Variants in CDH13 observed in about 807,000 individuals in gnomAD.
CDH13 encodes cadherin 13.
CDH13 carries 24 observed loss-of-function variants against 63.8 expected under a neutral mutation model. The ratio of observed to expected loss-of-function variants is 0.38; its 90% CI spans 0.27 to 0.53. CDH13 has a LOEUF of 0.53. Ranked by LOEUF, CDH13 falls within the 20% of genes least tolerant of loss-of-function variation. CDH13 has a pLI of 0.85. For synonymous variants in CDH13, 503 were observed against 355.3 expected, an observed-to-expected ratio of 1.42 and a Z score of -4.67; for missense variants, 1,049 against 903.1, an observed-to-expected ratio of 1.16 and a Z score of -2.07.
At chr16:82,922,878 T>C (rs2042198729) in intron 2 of CDH13, among the ~76,000 whole-genome samples, 1 of 152,140 alleles carries the variant, frequency 6.6e-6, no homozygotes, top group Admixed American at 6.6e-5. Context: ...CAGGCCTACC[T>C]TGTTGATATT....
chr16:83,072,044 T>G (rs1480033558), intron 3 of CDH13, among the ~76,000 whole-genome samples: 1 of 152,086 alleles, frequency 6.6e-6, no homozygotes, highest in Non-Finnish European at 1.5e-5. Flanking sequence ...TAAAATTAAT[T>G]TAATAGTATA....
At chr16:82,972,454 C>T (rs111846136) in intron 2 of CDH13, among the ~76,000 whole-genome samples, 1 of 152,090 alleles carries the variant, frequency 6.6e-6, no homozygotes, top group Admixed American at 6.5e-5. Flanking sequence ...CTTCTTTAGC[C>T]GAAAAACATA....
chr16:83,041,966 C>T (rs1199734560), intron 3 of CDH13, among the ~76,000 whole-genome samples: 1 of 152,088 alleles, frequency 6.6e-6, no homozygotes, highest in Non-Finnish European at 1.5e-5. Context: ...ATACATTTTT[C>T]CCCTCTTTCC....
At chr16:83,424,009 A>G (rs2071803847) in intron 6 of CDH13, among the ~76,000 whole-genome samples, 1 of 152,184 alleles carries the variant, frequency 6.6e-6, no homozygotes, top group Non-Finnish European at 1.5e-5. Context: ...GGGAAATCCA[A>G]CATGGACTGA....
At position 82,644,842 on chromosome 16, in the gene CDH13, G is replaced by A. The variant is rs149574708; in HGVS notation, c.45+17705G>A. On this transcript the variant is annotated intron_variant, in intron 1 of 13. Coordinates refer to ENST00000567109, the MANE Select transcript of CDH13 (RefSeq NM_001257.5). The surrounding 1 kb of genome is among the most constrained non-coding windows in gnomAD (Gnocchi z 5.7). ...TCCCTGGTCAGTTTTCCAGCATAGCGTTTTGCAAAATGTGTTCTGAAGAGA... is the reference window on the plus strand; with the variant it reads ...TCCCTGGTCAGTTTTCCAGCATAGCATTTTGCAAAATGTGTTCTGAAGAGA... Among the ~76,000 whole-genome samples the A allele has an allele frequency of 1.4e-4, 21 of 152,276 alleles. No homozygotes were observed. The East Asian group carries it at 1.9e-3, about 14-fold the overall frequency.
chr16:82,760,735 G>A (rs2034803190), intron 1 of CDH13, among the ~76,000 whole-genome samples: 1 of 152,166 alleles, frequency 6.6e-6, no homozygotes, highest in African/African-American at 2.4e-5. Context: ...TGTACAAGAA[G>A]CATGGTGCCA....
At chr16:83,504,724 C>G (rs566567947) in intron 7 of CDH13, among the ~76,000 whole-genome samples, 2 of 152,280 alleles carry the variant, frequency 1.3e-5, no homozygotes, top group East Asian at 3.9e-4. Flanking sequence ...CTGTAAGCAA[C>G]TGGTGTTAGG....
intron 2 of CDH13, among the ~76,000 whole-genome samples, chr16:82,969,849 C>T (rs186072922): frequency 6.6e-6 from 1 of 152,142 alleles, no homozygotes; most frequent in Non-Finnish European, 1.5e-5. Context: ...ACTCTTCTCT[C>T]CAGGAAACGT....
At chr16:83,017,952 G>T (rs542328052) in intron 2 of CDH13, among the ~76,000 whole-genome samples, 1 of 152,276 alleles carries the variant, frequency 6.6e-6, no homozygotes, top group Non-Finnish European at 1.5e-5. Flanking sequence ...AATCAAGTAG[G>T]TTGGGAAACA....
At chr16:82,895,237 A>G (rs758836337) in intron 2 of CDH13, among the ~76,000 whole-genome samples, 1 of 152,136 alleles carries the variant, frequency 6.6e-6, no homozygotes, top group African/African-American at 2.4e-5. Flanking sequence ...ACATCCACCA[A>G]TACTACTTTC....
At chr16:83,616,161 C>A (rs1267727296) in intron 8 of CDH13, among the ~76,000 whole-genome samples, 1 of 152,206 alleles carries the variant, frequency 6.6e-6, no homozygotes, top group Non-Finnish European at 1.5e-5. Context: ...TTTAATTGTT[C>A]ATACACACAA....
intron 10 of CDH13, among the ~76,000 whole-genome samples, chr16:83,719,272 C>A (rs997646876): frequency 2.6e-5 from 4 of 152,186 alleles, no homozygotes; most frequent in Non-Finnish European, 2.9e-5. Context: ...TGTCTGTCCA[C>A]TGTTGAGGGA....
At chr16:83,602,410 CAAATCT>C (rs1185159456) in intron 7 of CDH13, 38 bp from the exon 8 acceptor site, 1 of 1,611,388 alleles carries the variant, frequency 6.2e-7, no homozygotes, top group African/African-American at 1.3e-5. Flanking sequence ...AGCAGTAACC[CAAATCT>C]AAATGTCATA....
chr16:83,154,576 A>T (rs1204602359), intron 4 of CDH13, among the ~76,000 whole-genome samples: 3 of 151,936 alleles, frequency 2.0e-5, no homozygotes, highest in African/African-American at 7.3e-5. Context: ...AAAAAAAAAA[A>T]AAAATTGTAT....
In CDH13 at chr16:83,431,311, T is replaced by C. The variant is rs2072099324; in HGVS notation, c.782-55166T>C. On this transcript the variant is annotated intron_variant, in intron 6 of 13. Transcript: ENST00000567109. ...ACCAGTTCTTATAATTGTTGCATAG[T>C]TGGCTGCGTTGAGGAGACAACCATA... Among the ~76,000 whole-genome samples, 8 of 152,000 alleles carry C rather than the reference T, an allele frequency of 5.3e-5. No homozygotes were observed. The South Asian group carries it at 1.7e-3, about 32-fold the overall frequency.
At position 83,535,714 on chromosome 16, in the gene CDH13, A is replaced by AT. The variant is rs554649679; in HGVS notation, c.960+49067dup. On this transcript the variant is annotated intron_variant, in intron 7 of 13. Coordinates refer to ENST00000567109, the MANE Select transcript of CDH13 (RefSeq NM_001257.5). ...GTTTCCCCAAGATATGATAATGTTC[A>AT]TTTTTTTTGGAGTGTCATGAATATT... Among the ~76,000 whole-genome samples the AT allele has an allele frequency of 8.8e-4, 134 of 151,958 alleles. 3 individuals are homozygous for AT. In the South Asian group the frequency reaches 0.018, roughly 20 times the overall value.
chr16:83,670,374 T>C (rs1215934843), intron 8 of CDH13, among the ~76,000 whole-genome samples: 1 of 151,890 alleles, frequency 6.6e-6, no homozygotes, highest in Non-Finnish European at 1.5e-5. Context: ...ACAGGTGTTC[T>C]TGGCCACCAG....
At chr16:83,037,866 C>A (rs185788206) in intron 3 of CDH13, among the ~76,000 whole-genome samples, 1 of 152,140 alleles carries the variant, frequency 6.6e-6, no homozygotes, top group African/African-American at 2.4e-5. Flanking sequence ...TAAGAACAGT[C>A]TGTGTCACAG....
chr16:82,843,782 C>T (rs980941867), intron 1 of CDH13, among the ~76,000 whole-genome samples: 1 of 152,206 alleles, frequency 6.6e-6, no homozygotes, highest in Non-Finnish European at 1.5e-5. Context: ...CACTTTACAG[C>T]AAGGCCGGGT....
Sources: allele counts gnomAD v4.1 joint callset (sites outside exome capture counted in the v4.1 genomes callset), GRCh38; gene constraint gnomAD v4.1.1; non-coding constraint Gnocchi (gnomAD v3.1); transcripts MANE v1.5; gene names NCBI Gene and HGNC (gene_info 2026-07-23, HGNC 2026-07-21).